The following SFI1 variants were observed in gnomAD, a reference collection of about 807,000 sequenced individuals.
The protein encoded by SFI1 is SFI1 centrin binding protein, also known as protein SFI1 homolog.
A neutral mutation model predicts 207.5 loss-of-function variants in SFI1; 195 were observed. That is an observed-to-expected ratio of 0.94 (90% CI 0.84 to 1.06). SFI1 has a LOEUF of 1.06. SFI1 is among the 50% of genes least tolerant of loss of function. SFI1 has a pLI of 0.00. For synonymous variants in SFI1, 630 were observed against 598.9 expected, an observed-to-expected ratio of 1.05 and a Z score of -0.76; for missense variants, 1,634 against 1,588.0, an observed-to-expected ratio of 1.03 and a Z score of -0.49.
chr22:31,613,959 A>G lies in SFI1; in HGVS notation c.2996+104A>G, dbSNP rs956479295. The G allele has an allele frequency of 1.0e-5, 14 of 1,395,272 alleles. No individual in the cohort carries two copies. The Admixed American group carries it at 1.1e-4, about 11-fold the overall frequency. 86.4% of individuals were successfully genotyped at this position (1,395,272 alleles called of 1,614,324 possible). On this transcript the variant is annotated intron_variant, in intron 27 of 32. Coordinates refer to ENST00000400288, the MANE Select transcript of SFI1 (RefSeq NM_001007467.3). ...CCTGACGGGATGGGACGGGCTGGTC[A>G]CGGCCTTGTCACAGCTGAGCTGCTG...
chr22:31,530,993 G>A (rs2058462664), intron 3 of SFI1, 65 bp from the exon 4 acceptor site: 1 of 1,396,448 alleles, frequency 7.2e-7, no homozygotes, highest in African/African-American at 1.4e-5. Flanking sequence ...TTCCTTTCCA[G>A]AAAACTGCTG....
chr22:31,602,482 GGACCACGTCCTGACA>G, intron 16 of SFI1, 110 bp from the exon 17 acceptor site: 1 of 1,257,794 alleles, frequency 8.0e-7, no homozygotes, highest in Non-Finnish European at 1.1e-6. Context: ...CTTCTGGGCT[GGACCACGTCCTGACA>G]TCCATTCCTT....
chr22:31,505,747 G>A (rs1224045484), intron 1 of SFI1, among the ~76,000 whole-genome samples: 2 of 151,684 alleles, frequency 1.3e-5, no homozygotes, highest in Non-Finnish European at 2.9e-5. Flanking sequence ...AGCTGAGCAT[G>A]GTGGCACATA....
intron 14 of SFI1, 147 bp downstream of exon 14, chr22:31,585,281 C>A (rs2064881070): frequency 5.1e-6 from 3 of 593,784 alleles, no homozygotes; most frequent in South Asian, 2.4e-5. Flanking sequence ...AAAGTCATTT[C>A]TTCCAGTTCC....
At chr22:31,615,377 C>T (rs2071245043) in intron 29 of SFI1, 98 bp downstream of exon 29, 1 of 1,181,334 alleles carries the variant, frequency 8.5e-7, no homozygotes, top group Non-Finnish European at 1.1e-6. Flanking sequence ...TCTGGAAAAC[C>T]TTGGCACAGG....
chr22:31,532,021 A>G (rs2058581307), intron 4 of SFI1, among the ~76,000 whole-genome samples: 1 of 152,114 alleles, frequency 6.6e-6, no homozygotes, highest in South Asian at 2.1e-4. Context: ...AGATCGCGCC[A>G]TTGCACTCCA....
intron 7 of SFI1, chr22:31,559,972 A>T (rs1432351463): frequency 1.2e-5 from 5 of 418,010 alleles, no homozygotes; most frequent in Middle Eastern, 6.9e-4. Context: ...TAAGTAGTTT[A>T]TATACCTAAA....
intron 4 of SFI1, among the ~76,000 whole-genome samples, chr22:31,541,286 TG>T (rs1182020665): frequency 6.6e-6 from 1 of 152,114 alleles, no homozygotes; most frequent in Non-Finnish European, 1.5e-5. Flanking sequence ...TGCCTAAAAT[TG>T]ACTAAAATTT....
chr22:31,611,247 C>A lies in SFI1; in HGVS notation c.2359C>A (p.Leu787Met). The stretch of plus-strand genomic sequence containing the variant: ...AGTGCAACACCACCACCGGCAGCTG[C>A]TGCTGGAGGGGCTGGCCCGGTGGAA... ...RAVQHHHRQLLLEGLARWKTH... is the reference protein window; with the variant it reads ...RAVQHHHRQLMLEGLARWKTH... The change falls in exon 23 of 33, where the codon CTG (leucine) becomes ATG (methionine). Residue 787 changes from leucine (L) to methionine (M), a missense_variant. By Grantham distance (15) the Leu-to-Met change is conservative. Coordinates refer to ENST00000400288, the MANE Select transcript of SFI1 (RefSeq NM_001007467.3). 1 of 1,613,464 alleles carries A rather than the reference C, an allele frequency of 6.2e-7. No homozygotes were observed. Among genetic ancestry groups the A allele is most frequent in the Non-Finnish European group, 8.5e-7 (1 of 1,179,748 alleles).
chr22:31,614,211 C>T (rs1375861073), intron 27 of SFI1: 4 of 348,392 alleles, frequency 1.1e-5, no homozygotes, highest in East Asian at 5.5e-5. Flanking sequence ...CCGTGCCTGC[C>T]GGCCTCTCTT....
At chr22:31,579,734 G>A (rs950227306) in intron 11 of SFI1, among the ~76,000 whole-genome samples, 5 of 152,198 alleles carry the variant, frequency 3.3e-5, no homozygotes, top group South Asian at 2.1e-4. Flanking sequence ...TTACAGGTGT[G>A]AGCCACTGCA....
At chr22:31,541,295 T>A (rs1206607419) in intron 4 of SFI1, among the ~76,000 whole-genome samples, 2 of 152,170 alleles carry the variant, frequency 1.3e-5, no homozygotes, top group Non-Finnish European at 2.9e-5. Context: ...TTGACTAAAA[T>A]TTGTTGACGG....
intron 7 of SFI1, chr22:31,559,900 C>T: frequency 1.5e-6 from 1 of 648,090 alleles, no homozygotes; most frequent in Non-Finnish European, 2.9e-6. Context: ...AGACCACTGG[C>T]CACCATGGCT....
At chr22:31,543,300 C>T (rs1006341606) in intron 4 of SFI1, among the ~76,000 whole-genome samples, 13 of 152,170 alleles carry the variant, frequency 8.5e-5, no homozygotes, top group African/African-American at 3.1e-4. Context: ...CACGCAGTGA[C>T]TTTATTTTTT....
rs769901921 is a variant in SFI1 at position 31,613,670 on chromosome 22, G to A, written c.2811G>A (p.Arg937=). 3 of 1,609,444 alleles carry A rather than the reference G, an allele frequency of 1.9e-6. No individual in the cohort carries two copies. In the South Asian group the frequency reaches 3.3e-5, roughly 18 times the overall value. Residue 937 remains arginine, a synonymous_variant, in exon 27 of 33, where the codon CGG becomes CGA. Coordinates refer to ENST00000400288, the MANE Select transcript of SFI1 (RefSeq NM_001007467.3). Reference sequence around the variant, plus strand: ...TCTGGAAACAGAAAGTGCTGGGCCGGGGCGGGAAGCCTCAGCCCCTGGCAG... The same window carrying A: ...TCTGGAAACAGAAAGTGCTGGGCCGAGGCGGGAAGCCTCAGCCCCTGGCAG... ...ATLWKQKVLG[R]GGKPQPLAAI... is the part of the protein sequence containing the mutation.
chr22:31,578,725 C>T (rs562093385), intron 11 of SFI1, among the ~76,000 whole-genome samples: 3 of 152,172 alleles, frequency 2.0e-5, no homozygotes, highest in Non-Finnish European at 2.9e-5. Context: ...TTTTGAGTGG[C>T]GGAAGCCTCA....
chr22:31,602,126 A>C, intron 15 of SFI1, 86 bp from the exon 16 acceptor site: 1 of 1,187,892 alleles, frequency 8.4e-7, no homozygotes. Context: ...ATAAAAGGAA[A>C]AATCCAATTA....
intron 6 of SFI1, among the ~76,000 whole-genome samples, chr22:31,555,929 T>C (rs917367938): frequency 2.0e-5 from 3 of 152,236 alleles, no homozygotes; most frequent in Non-Finnish European, 2.9e-5. Flanking sequence ...TCTTGGAGGC[T>C]GTCCTAAAAA....
intron 4 of SFI1, among the ~76,000 whole-genome samples, chr22:31,540,844 G>T (rs2059416917): frequency 6.6e-6 from 1 of 152,146 alleles, no homozygotes; most frequent in Non-Finnish European, 1.5e-5. Context: ...CTCCCAAAGT[G>T]CTGGGATTAT....
Sources: gnomAD v4.1 joint callset for allele counts (sites outside exome capture counted in the v4.1 genomes callset) on GRCh38, gnomAD v4.1.1 for gene constraint, MANE v1.5 for transcripts, NCBI Gene and HGNC (gene_info 2026-07-23, HGNC 2026-07-21) for gene names.